ADGRL3: variants seen among roughly 807,000 people sequenced by gnomAD.
The protein encoded by ADGRL3 is calcium-independent alpha-latrotoxin receptor 3.
ADGRL3 carries 62 observed loss-of-function variants against 153.5 expected under a neutral mutation model. That is an observed-to-expected ratio of 0.40 (90% CI 0.33 to 0.50). The LOEUF is 0.50. Among genes scored for constraint, ADGRL3 ranks in the 20% least tolerant of loss-of-function variants. The probability of loss-of-function intolerance (pLI) is 0.47; values close to 1 mark genes in which losing one functional copy is unlikely to be tolerated. For missense variants in ADGRL3, 1,641 were observed against 1,859.4 expected (o/e 0.88, Z 2.16); for synonymous variants, 710 against 672.5 (o/e 1.06, Z -0.86).
chr4:61,909,291 G>A (rs1275092382), intron 11 of ADGRL3, among the ~76,000 whole-genome samples: 2 of 152,094 alleles, frequency 1.3e-5, no homozygotes, highest in Non-Finnish European at 2.9e-5. Context: ...TAGACCTAAC[G>A]ACCCAAATAG....
At chr4:61,296,552 TG>T (rs1236798545) in intron 1 of ADGRL3, among the ~76,000 whole-genome samples, 5 of 152,220 alleles carry the variant, frequency 3.3e-5, no homozygotes, top group Non-Finnish European at 5.9e-5. Context: ...TTAAAATCCA[TG>T]CACAGTATGG....
chr4:61,402,577 T>C (rs1480490709), intron 2 of ADGRL3, among the ~76,000 whole-genome samples: 1 of 152,034 alleles, frequency 6.6e-6, no homozygotes, highest in East Asian at 1.9e-4. Context: ...ACACTTATAG[T>C]GTGGAATAAT....
chr4:61,964,559 A>G (rs190624232), intron 17 of ADGRL3, among the ~76,000 whole-genome samples: 2 of 152,194 alleles, frequency 1.3e-5, no homozygotes, highest in Admixed American at 1.3e-4. Flanking sequence ...GCAAAATATA[A>G]CTACATATAA....
At chr4:61,389,742 T>C (rs1647424121) in intron 2 of ADGRL3, among the ~76,000 whole-genome samples, 1 of 152,228 alleles carries the variant, frequency 6.6e-6, no homozygotes, top group African/African-American at 2.4e-5. Flanking sequence ...TCATTCCTGC[T>C]TATTCCTCTC....
chr4:61,545,650 A>T (rs1256154943), intron 4 of ADGRL3, among the ~76,000 whole-genome samples: 11 of 152,048 alleles, frequency 7.2e-5, no homozygotes, highest in Non-Finnish European at 1.0e-4. Flanking sequence ...AGTAGCTGGG[A>T]CTACAGGCGC....
At chr4:61,389,424 CT>C (rs2096777435) in intron 2 of ADGRL3, among the ~76,000 whole-genome samples, 1 of 151,974 alleles carries the variant, frequency 6.6e-6, no homozygotes, top group African/African-American at 2.4e-5. Flanking sequence ...CTTTTATACA[CT>C]TTTTATACAG....
intron 2 of ADGRL3, among the ~76,000 whole-genome samples, chr4:61,487,166 T>A (rs1451591955): frequency 6.6e-6 from 1 of 152,166 alleles, no homozygotes; most frequent in East Asian, 1.9e-4. Context: ...GTAGTCAGTA[T>A]AGGTGACGAG....
chr4:61,478,539 C>G (rs2098092664), intron 2 of ADGRL3, among the ~76,000 whole-genome samples: 2 of 152,038 alleles, frequency 1.3e-5, no homozygotes, highest in African/African-American at 4.8e-5. Context: ...ACTGGGAACA[C>G]TGATATTCTC....
chr4:62,009,198 A>T (rs1409011353), intron 21 of ADGRL3, among the ~76,000 whole-genome samples: 1 of 152,202 alleles, frequency 6.6e-6, no homozygotes, highest in Non-Finnish European at 1.5e-5. Flanking sequence ...AACAAATAAA[A>T]ATCAGTTAGA....
At chr4:61,998,978 C>T (rs1382873940) in intron 21 of ADGRL3, among the ~76,000 whole-genome samples, 2 of 152,068 alleles carry the variant, frequency 1.3e-5, no homozygotes, top group Non-Finnish European at 2.9e-5. Context: ...CTACATGTAC[C>T]AAAAGGGGAA....
rs546989783 is a variant in ADGRL3, at chr4:61,596,247, C to A, written c.473+8807C>A. 9.2e-5 allele frequency among the ~76,000 whole-genome samples: 14 copies of A among 152,260 alleles called. No individual in the cohort carries two copies. In the East Asian group the frequency reaches 2.5e-3, roughly 27 times the overall value. ...ACTTCCATTCTGCCATCTTGCTCTGCCCCTTAGTTACTTTTTAATACTTAT... is the reference window on the plus strand; with the variant it reads ...ACTTCCATTCTGCCATCTTGCTCTGACCCTTAGTTACTTTTTAATACTTAT... On this transcript the variant is annotated intron_variant, in intron 5 of 26. Transcript: ENST00000683033.
chr4:61,489,356 A>T (rs1019514275), intron 2 of ADGRL3, among the ~76,000 whole-genome samples: 10 of 107,084 alleles, frequency 9.3e-5, no homozygotes, highest in Admixed American at 3.5e-4. Flanking sequence ...AGCTTAGTTT[A>T]AAAAAAAAAA....
intron 6 of ADGRL3, among the ~76,000 whole-genome samples, chr4:61,681,209 A>C (rs1359395660): frequency 6.6e-6 from 1 of 152,128 alleles, no homozygotes; most frequent in Non-Finnish European, 1.5e-5. Context: ...GATGACTTGT[A>C]TTAGAGAGAA....
At chr4:62,018,709 G>T (rs1053029141) in intron 21 of ADGRL3, among the ~76,000 whole-genome samples, 1 of 152,156 alleles carries the variant, frequency 6.6e-6, no homozygotes, top group Non-Finnish European at 1.5e-5. Flanking sequence ...TGACCTCATT[G>T]CCCCAGCTTT....
At chr4:61,825,764 G>C (rs2097794619) in intron 9 of ADGRL3, among the ~76,000 whole-genome samples, 1 of 152,124 alleles carries the variant, frequency 6.6e-6, no homozygotes, top group South Asian at 2.1e-4. Context: ...AAAAGATCTT[G>C]AAAAATTTCT....
intron 13 of ADGRL3, among the ~76,000 whole-genome samples, chr4:61,916,484 G>C (rs1187984501): frequency 6.6e-6 from 1 of 151,918 alleles, no homozygotes; most frequent in Non-Finnish European, 1.5e-5. Flanking sequence ...AAAAAAAATA[G>C]AGAGTTTTAA....
chr4:61,540,585 A>T (rs966695222), intron 4 of ADGRL3, among the ~76,000 whole-genome samples: 19 of 152,120 alleles, frequency 1.2e-4, no homozygotes, highest in Non-Finnish European at 2.4e-4. Context: ...AGAAAAAAAA[A>T]TACAATGGAT....
chr4:61,297,098 A>G (rs2094436126), intron 1 of ADGRL3, among the ~76,000 whole-genome samples: 1 of 152,096 alleles, frequency 6.6e-6, no homozygotes, highest in African/African-American at 2.4e-5. Flanking sequence ...TCCAGTCATT[A>G]TATGTTTCTT....
intron 6 of ADGRL3, among the ~76,000 whole-genome samples, chr4:61,724,790 G>C (rs939061503): frequency 6.6e-6 from 1 of 151,998 alleles, no homozygotes; most frequent in Non-Finnish European, 1.5e-5. Flanking sequence ...TCTATTTACT[G>C]AAGTGCTTCT....
Sources: allele counts gnomAD v4.1 joint callset (sites outside exome capture counted in the v4.1 genomes callset), GRCh38; gene constraint gnomAD v4.1.1; transcripts MANE v1.5; gene names NCBI Gene and HGNC (gene_info 2026-07-23, HGNC 2026-07-21).